The following TXNDC12 variants were observed in gnomAD, a reference collection of about 807,000 sequenced individuals.
The protein encoded by TXNDC12 is thioredoxin domain containing 12.
A neutral mutation model predicts 24.2 loss-of-function variants in TXNDC12; 22 were observed. The ratio of observed to expected loss-of-function variants is 0.91; its 90% confidence interval spans 0.65 to 1.30. TXNDC12 has a LOEUF of 1.30. TXNDC12 is among the 50% of genes most tolerant of loss of function. The probability of loss-of-function intolerance (pLI) is 0.00; values close to 1 mark genes in which losing one functional copy is unlikely to be tolerated. For synonymous variants in TXNDC12, 58 were observed against 73.4 expected (o/e 0.79, Z 1.07); for missense variants, 184 against 205.8 (o/e 0.89, Z 0.65).
chr1:52,035,602 C>T (rs1040373541), intron 2 of TXNDC12, among the ~76,000 whole-genome samples: 1 of 152,132 alleles, frequency 6.6e-6, no homozygotes, highest in African/African-American at 2.4e-5. Context: ...AATCCCATTA[C>T]TGAGGAGGCT....
chr1:52,032,356 C>A, intron 2 of TXNDC12: 1 of 1,071,208 alleles, frequency 9.3e-7, no homozygotes, highest in Non-Finnish European at 1.1e-6. Flanking sequence ...TCTCATCTAT[C>A]CAGTCTGCTC....
chr1:52,033,906 AC>A, intron 2 of TXNDC12: 1 of 1,432,098 alleles, frequency 7.0e-7, no homozygotes. Context: ...CAGGAGTTCT[AC>A]GCCAGCTAGG....
chr1:52,033,267 A>G, intron 2 of TXNDC12: 1 of 1,613,922 alleles, frequency 6.2e-7, no homozygotes, highest in Non-Finnish European at 8.5e-7. Flanking sequence ...CGGCCTGGGC[A>G]CTTCCATTTA....
At chr1:52,031,289 A>G (rs1685749588) in intron 2 of TXNDC12, among the ~76,000 whole-genome samples, 1 of 149,696 alleles carries the variant, frequency 6.7e-6, no homozygotes, top group South Asian at 2.1e-4. Context: ...CCTCCTGAGT[A>G]GCTGGGATTA....
intron 3 of TXNDC12, among the ~76,000 whole-genome samples, chr1:52,028,133 T>A (rs1203757481): frequency 6.6e-6 from 1 of 151,952 alleles, no homozygotes; most frequent in African/African-American, 2.4e-5. Context: ...TCTTTTATAC[T>A]ATTTTTTACA....
intron 2 of TXNDC12, chr1:52,033,189 A>T (rs2783175): frequency 0.049 from 79,387 of 1,614,150 alleles, 2,308 homozygotes; most frequent in East Asian, 0.11. Flanking sequence ...ATTTCTCTGA[A>T]TCCGGAGTCA....
chr1:52,033,911 A>C, intron 2 of TXNDC12: 4 of 1,431,522 alleles, frequency 2.8e-6, no homozygotes, highest in Non-Finnish European at 3.6e-6. Flanking sequence ...GTTCTACGCC[A>C]GCTAGGCCCA....
chr1:52,032,046 T>G, intron 2 of TXNDC12: 1 of 748,362 alleles, frequency 1.3e-6, no homozygotes, highest in Non-Finnish European at 1.6e-6. Flanking sequence ...CAATGACAAG[T>G]ATACCTAAAA....
intron 6 of TXNDC12, among the ~76,000 whole-genome samples, chr1:52,022,553 T>TA (rs1179473625): frequency 6.6e-6 from 1 of 151,958 alleles, no homozygotes; most frequent in Non-Finnish European, 1.5e-5. Context: ...TTCACTTCCA[T>TA]AGCTTGAAAT....
chr1:52,033,166 C>A, intron 2 of TXNDC12: 1 of 1,614,224 alleles, frequency 6.2e-7, no homozygotes, highest in Non-Finnish European at 8.5e-7. Flanking sequence ...GGCACCGGAC[C>A]CATGCTTTGC....
At chr1:52,021,225 C>T (rs544887525) in intron 6 of TXNDC12, among the ~76,000 whole-genome samples, 1 of 152,204 alleles carries the variant, frequency 6.6e-6, no homozygotes, top group East Asian at 1.9e-4. Flanking sequence ...TCACTTCACA[C>T]AGTATTATAA....
chr1:52,026,450 G>C (rs1304166647), intron 4 of TXNDC12, among the ~76,000 whole-genome samples: 1 of 152,190 alleles, frequency 6.6e-6, no homozygotes, highest in Admixed American at 6.5e-5. Context: ...GAAACAAGCA[G>C]GTTGCACATA....
At chr1:52,054,746 T>C (rs560143361) in intron 1 of TXNDC12, among the ~76,000 whole-genome samples, 2 of 152,324 alleles carry the variant, frequency 1.3e-5, no homozygotes, top group African/African-American at 4.8e-5. Flanking sequence ...CATGCTTTCC[T>C]TAATTTACGG....
intron 1 of TXNDC12, among the ~76,000 whole-genome samples, chr1:52,053,144 T>A (rs1306859948): frequency 6.6e-6 from 1 of 151,192 alleles, no homozygotes; most frequent in Non-Finnish European, 1.5e-5. Context: ...ATGCCTGTAG[T>A]CCCAGCTACT....
At chr1:52,043,422 CA>C (rs1686032286) in intron 1 of TXNDC12, among the ~76,000 whole-genome samples, 1 of 152,102 alleles carries the variant, frequency 6.6e-6, no homozygotes, top group Admixed American at 6.5e-5. Context: ...ATTTTATATC[CA>C]AAAATTATTA....
chr1:52,040,890 G>A (rs1350911549), intron 2 of TXNDC12, among the ~76,000 whole-genome samples: 1 of 151,296 alleles, frequency 6.6e-6, no homozygotes. Flanking sequence ...AAATTAGCCG[G>A]CAATGGTGGC....
chr1:52,032,492 T>C (rs949835676), intron 2 of TXNDC12: 9 of 1,343,976 alleles, frequency 6.7e-6, no homozygotes, highest in Middle Eastern at 2.8e-4. Context: ...TGCACCACAA[T>C]AGTTCTCCAT....
chr1:52,042,447 C>T (rs917312126), intron 1 of TXNDC12, among the ~76,000 whole-genome samples: 1 of 151,462 alleles, frequency 6.6e-6, no homozygotes, highest in East Asian at 1.9e-4. Context: ...ATATATACAC[C>T]CTATACTATA....
intron 2 of TXNDC12, chr1:52,033,734 G>A: frequency 1.2e-6 from 2 of 1,606,646 alleles, no homozygotes; most frequent in Non-Finnish European, 1.7e-6. Context: ...CCGCTGTACG[G>A]CAGCCCGCAA....
Sources: gnomAD v4.1 joint callset for allele counts (sites outside exome capture counted in the v4.1 genomes callset) on GRCh38, gnomAD v4.1.1 for gene constraint, MANE v1.5 for transcripts, NCBI Gene and HGNC (gene_info 2026-07-23, HGNC 2026-07-21) for gene names.